The following CNTNAP2 variants were observed in gnomAD, a reference collection of about 807,000 sequenced individuals.
CNTNAP2 encodes the protein contactin-associated protein-like 2.
Under a neutral mutation model 155.2 loss-of-function variants are expected in CNTNAP2, and 98 were observed. That is an observed-to-expected ratio of 0.63 (90% CI 0.54 to 0.75). The LOEUF is 0.75. Among genes scored for constraint, CNTNAP2 ranks in the 30% least tolerant of loss-of-function variants. The probability of loss-of-function intolerance (pLI) is 0.00; values close to 1 mark genes in which losing one functional copy is unlikely to be tolerated. For missense variants in CNTNAP2, 1,727 were observed against 1,688.1 expected, an observed-to-expected ratio of 1.02 and a Z score of -0.40; for synonymous variants, 651 against 631.2, an observed-to-expected ratio of 1.03 and a Z score of -0.47.
intron 13 of CNTNAP2, among the ~76,000 whole-genome samples, chr7:147,839,038 T>A (rs1434731658): frequency 6.6e-6 from 1 of 152,120 alleles, no homozygotes; most frequent in Admixed American, 6.5e-5. Flanking sequence ...CAAGTCCAAG[T>A]CCCAAAGCTA....
At chr7:146,360,062 T>A (rs1247998683) in intron 1 of CNTNAP2, among the ~76,000 whole-genome samples, 1 of 152,224 alleles carries the variant, frequency 6.6e-6, no homozygotes. Flanking sequence ...TCTGTTAGCC[T>A]GTGTAAGCTT....
intron 1 of CNTNAP2, among the ~76,000 whole-genome samples, chr7:146,415,643 C>T (rs1021313151): frequency 7.1e-6 from 1 of 141,780 alleles, no homozygotes; most frequent in African/African-American, 2.8e-5. Context: ...TTAAGACACT[C>T]CACTTTTGAA....
At chr7:147,573,426 G>C (rs755994474) in intron 12 of CNTNAP2, among the ~76,000 whole-genome samples, 8 of 152,020 alleles carry the variant, frequency 5.3e-5, no homozygotes, top group Admixed American at 5.2e-4. Flanking sequence ...TTCATGTTTT[G>C]CTTTTATGTG....
intron 12 of CNTNAP2, among the ~76,000 whole-genome samples, chr7:147,601,644 A>AAAAAAAAATAT (rs1299075338): frequency 2.3e-5 from 2 of 87,466 alleles, no homozygotes; most frequent in African/African-American, 8.6e-5. Flanking sequence ...CTTAAAAAAA[A>AAAAAAAAATAT]ATATATATAT....
intron 15 of CNTNAP2, among the ~76,000 whole-genome samples, chr7:147,993,098 C>A (rs28394241): frequency 0.067 from 10,166 of 152,236 alleles, 754 homozygotes; most frequent in African/African-American, 0.19. Context: ...CAGTTCACGA[C>A]GTCAGGATTG....
intron 15 of CNTNAP2, among the ~76,000 whole-genome samples, chr7:148,074,573 C>T (rs1454598527): frequency 6.6e-6 from 1 of 151,934 alleles, no homozygotes; most frequent in Non-Finnish European, 1.5e-5. Context: ...CCTGTAATCC[C>T]AGCTACTTGG....
intron 11 of CNTNAP2, among the ~76,000 whole-genome samples, chr7:147,534,688 A>C (rs1250701894): frequency 6.6e-6 from 1 of 152,220 alleles, no homozygotes; most frequent in Non-Finnish European, 1.5e-5. Flanking sequence ...CGGGTGGAGA[A>C]AGAACTAGGA....
chr7:147,438,185 G>C (rs928224870), intron 10 of CNTNAP2, among the ~76,000 whole-genome samples: 4 of 151,980 alleles, frequency 2.6e-5, no homozygotes, highest in Non-Finnish European at 5.9e-5. Flanking sequence ...ACTTCGTCAT[G>C]TTACAGATCT....
At chr7:146,358,183 C>A (rs533018276) in intron 1 of CNTNAP2, among the ~76,000 whole-genome samples, 3 of 151,958 alleles carry the variant, frequency 2.0e-5, no homozygotes, top group African/African-American at 7.2e-5. Flanking sequence ...TACAGGTGCC[C>A]GCCACCATGC....
At chr7:146,971,911 C>G (rs536178831) in intron 3 of CNTNAP2, among the ~76,000 whole-genome samples, 1 of 152,174 alleles carries the variant, frequency 6.6e-6, no homozygotes, top group South Asian at 2.1e-4. Flanking sequence ...TGTTTTAATC[C>G]TAAGAAATTT....
At chr7:148,222,506 C>A (rs1006162493) in intron 19 of CNTNAP2, among the ~76,000 whole-genome samples, 91 of 151,428 alleles carry the variant, frequency 6.0e-4, no homozygotes, top group African/African-American at 2.0e-3. Context: ...ATGAATGGAT[C>A]ATTCCATGAA....
chr7:147,880,265 G>T (rs1261497558), intron 13 of CNTNAP2, among the ~76,000 whole-genome samples: 1 of 152,188 alleles, frequency 6.6e-6, no homozygotes, highest in African/African-American at 2.4e-5. Context: ...AGTGGACAAA[G>T]TTTTGTGTAT....
chr7:147,264,987 C>A (rs1022739577), intron 8 of CNTNAP2, among the ~76,000 whole-genome samples: 3 of 151,992 alleles, frequency 2.0e-5, no homozygotes, highest in Non-Finnish European at 2.9e-5. Context: ...AATAGGTAGA[C>A]TCTTGAGAAG....
At chr7:147,214,456 T>A (rs940083399) in intron 8 of CNTNAP2, among the ~76,000 whole-genome samples, 40 of 152,188 alleles carry the variant, frequency 2.6e-4, no homozygotes, top group African/African-American at 9.7e-4. Context: ...ATGATTGGTA[T>A]GATGATTAAA....
rs116435887 is a variant in CNTNAP2, at chr7:146,519,083, G to A, written c.98-255188G>A. ...CACATGTCTGCATCTCTAAACGAGC[G>A]TGTGTTCCTTCAGGAAAATGACTAT... On this transcript the variant is annotated intron_variant, in intron 1 of 23. Transcript: ENST00000361727. 1.7e-3 allele frequency among the ~76,000 whole-genome samples: 265 copies of A among 151,934 alleles called. 1 individual carries two copies. Among genetic ancestry groups the A allele is most frequent in the African/African-American group, 6.0e-3 (249 of 41,480 alleles).
At chr7:146,614,703 C>A (rs960943347) in intron 1 of CNTNAP2, among the ~76,000 whole-genome samples, 1 of 152,118 alleles carries the variant, frequency 6.6e-6, no homozygotes, top group African/African-American at 2.4e-5. Flanking sequence ...AAGACAACTA[C>A]ACAACTAATG....
At chr7:147,015,144 C>A (rs1233641578) in intron 3 of CNTNAP2, among the ~76,000 whole-genome samples, 2 of 142,366 alleles carry the variant, frequency 1.4e-5, no homozygotes, top group Admixed American at 7.2e-5. Flanking sequence ...GTTTAGGAAA[C>A]AAAAGATAAA....
chr7:148,237,428 G>A (rs1256951172), intron 20 of CNTNAP2, among the ~76,000 whole-genome samples: 2 of 152,190 alleles, frequency 1.3e-5, no homozygotes, highest in South Asian at 2.1e-4. Flanking sequence ...GGCAAGAGAG[G>A]ACATGGAAGA....
chr7:146,241,716 G>C (rs954163042), intron 1 of CNTNAP2, among the ~76,000 whole-genome samples: 1 of 151,976 alleles, frequency 6.6e-6, no homozygotes, highest in Non-Finnish European at 1.5e-5. Flanking sequence ...TTTTTTCCTG[G>C]TGTAATAAGA....
Sources: gnomAD v4.1 joint callset for allele counts (sites outside exome capture counted in the v4.1 genomes callset) on GRCh38, gnomAD v4.1.1 for gene constraint, MANE v1.5 for transcripts, NCBI Gene and HGNC (gene_info 2026-07-23, HGNC 2026-07-21) for gene names.